The following DHRSX variants were observed in gnomAD, a reference collection of about 807,000 sequenced individuals.
DHRSX encodes dehydrogenase/reductase X-linked, also known as polyprenol dehydrogenase.
In DHRSX, 31 loss-of-function variants were observed where a neutral mutation model predicts 34.0. That is an observed-to-expected ratio of 0.91 (90% CI 0.69 to 1.23). DHRSX has a LOEUF of 1.23. Among genes scored for constraint, DHRSX ranks in the 50% most tolerant of loss-of-function variants. The pLI, the probability that DHRSX is intolerant of heterozygous loss-of-function variation, is 0.00. For missense variants in DHRSX, 414 were observed against 428.1 expected (o/e 0.97, Z 0.29); for synonymous variants, 201 against 183.8 (o/e 1.09, Z -0.76).
chrX:2,371,393 C>A (rs866135559), intron 3 of DHRSX, among the ~76,000 whole-genome samples: 2 of 48,134 alleles, frequency 4.2e-5, no homozygotes, highest in South Asian at 4.2e-4. Context: ...ACCACAGTCC[C>A]CCCTTCTCAC....
At chrX:2,272,049 A>AG (rs2041563397) in intron 4 of DHRSX, among the ~76,000 whole-genome samples, 2 of 151,946 alleles carry the variant, frequency 1.3e-5, no homozygotes, top group Non-Finnish European at 2.9e-5. Context: ...AAACAAAAAA[A>AG]CATACCTGCA....
rs748098505 is a variant in DHRSX at position 2,375,288 on chromosome X, C to T, written c.286+33457G>A. ...TCCAGCGGGTAATTAGTGCACATCA[C>T]ACAATGAATGAGCTTCCGATAAGTG... On this transcript the variant is annotated intron_variant, in intron 3 of 6. Transcript: ENST00000334651. Among the ~76,000 whole-genome samples, 163 of 138,074 alleles carry T rather than the reference C, an allele frequency of 1.2e-3. 10 individuals carry two copies. Among genetic ancestry groups the T allele is most frequent in the African/African-American group, 3.9e-3 (158 of 40,728 alleles). 90.6% of individuals were successfully genotyped at this position (138,074 alleles called of 152,430 possible).
At chrX:2,464,382 A>G (rs921152086) in intron 1 of DHRSX, among the ~76,000 whole-genome samples, 2 of 151,460 alleles carry the variant, frequency 1.3e-5, no homozygotes, top group African/African-American at 4.9e-5. Context: ...ACGTTCCCTA[A>G]GTGTGTGGCT....
At chrX:2,226,093 T>C (rs917360098) in intron 6 of DHRSX, among the ~76,000 whole-genome samples, 18 of 152,204 alleles carry the variant, frequency 1.2e-4, no homozygotes, top group African/African-American at 4.3e-4. Context: ...CAGTGTCTGT[T>C]GTCTAAGCTG....
chrX:2,423,769 T>C (rs2124649603), intron 2 of DHRSX, among the ~76,000 whole-genome samples: 1 of 151,614 alleles, frequency 6.6e-6, no homozygotes, highest in African/African-American at 2.4e-5. Flanking sequence ...TTGGCAGTAG[T>C]GGAATGGGTT....
intron 3 of DHRSX, among the ~76,000 whole-genome samples, chrX:2,397,939 C>CACAT (rs1236503403): frequency 1.3e-5 from 2 of 150,408 alleles, no homozygotes; most frequent in African/African-American, 4.9e-5. Context: ...CGCACACACA[C>CACAT]ACACACACAC....
intron 3 of DHRSX, among the ~76,000 whole-genome samples, chrX:2,332,236 C>T (rs985146517): frequency 7.2e-5 from 11 of 151,964 alleles, no homozygotes; most frequent in Admixed American, 5.9e-4. Flanking sequence ...GCTGAAAGGT[C>T]GGGGAGAAAA....
At chrX:2,312,691 T>C (rs947455394) in intron 3 of DHRSX, among the ~76,000 whole-genome samples, 6 of 151,980 alleles carry the variant, frequency 3.9e-5, no homozygotes, top group Non-Finnish European at 5.9e-5. Context: ...ATTCTGCACA[T>C]GTACCCCAGA....
At chrX:2,396,262 C>A (rs2043407769) in intron 3 of DHRSX, among the ~76,000 whole-genome samples, 1 of 152,044 alleles carries the variant, frequency 6.6e-6, no homozygotes, top group Non-Finnish European at 1.5e-5. Flanking sequence ...CTGCAAAGAC[C>A]CTATTTCCAA....
At chrX:2,444,395 A>T (rs2044101487) in intron 1 of DHRSX, among the ~76,000 whole-genome samples, 1 of 152,220 alleles carries the variant, frequency 6.6e-6, no homozygotes, top group South Asian at 2.1e-4. Flanking sequence ...GAGGACTCTT[A>T]GAGGCCGTGT....
chrX:2,462,092 A>G (rs781609340), intron 1 of DHRSX, among the ~76,000 whole-genome samples: 55 of 152,006 alleles, frequency 3.6e-4, no homozygotes, highest in Admixed American at 5.9e-4. Flanking sequence ...CAAAAACTTC[A>G]TATGTATTAC....
intron 3 of DHRSX, among the ~76,000 whole-genome samples, chrX:2,391,868 A>C (rs2043339064): frequency 1.3e-5 from 2 of 152,116 alleles, no homozygotes; most frequent in Non-Finnish European, 2.9e-5. Context: ...TGAAGGTTGC[A>C]GTGGGCCAAG....
intron 1 of DHRSX, among the ~76,000 whole-genome samples, chrX:2,435,656 G>A (rs1335392351): frequency 6.6e-6 from 1 of 152,062 alleles, no homozygotes; most frequent in Non-Finnish European, 1.5e-5. Context: ...TCCCAGGTAC[G>A]TGGGAGGCTG....
intron 3 of DHRSX, among the ~76,000 whole-genome samples, chrX:2,329,401 C>T (rs1271709341): frequency 1.3e-5 from 2 of 152,160 alleles, no homozygotes; most frequent in Admixed American, 6.6e-5. Flanking sequence ...TCTTCCAGCT[C>T]TCCAGCTCCA....
intron 3 of DHRSX, among the ~76,000 whole-genome samples, chrX:2,298,638 G>GCACACACACACGCACACACACGC (rs1569485218): frequency 9.7e-6 from 1 of 103,356 alleles, no homozygotes; most frequent in African/African-American, 7.5e-5. Flanking sequence ...ACACACACAC[G>GCACACACACACGCACACACACGC]AGGTCTTATT....
At chrX:2,437,618 AAG>A (rs199636420) in intron 1 of DHRSX, among the ~76,000 whole-genome samples, 79 of 57,714 alleles carry the variant, frequency 1.4e-3, no homozygotes, top group East Asian at 0.02. Flanking sequence ...AAAAAAGAAG[AAG>A]AAAAAAAAGC....
At chrX:2,491,066 G>GTTTTTTTTTT (rs900738620) in intron 1 of DHRSX, among the ~76,000 whole-genome samples, 1 of 110,246 alleles carries the variant, frequency 9.1e-6, no homozygotes. Flanking sequence ...AGTGCCTTTA[G>GTTTTTTTTTT]TTTTTTTTTT....
At chrX:2,298,616 A>ACACACACGCGCG (rs1556457301) in intron 3 of DHRSX, among the ~76,000 whole-genome samples, 1 of 138,302 alleles carries the variant, frequency 7.2e-6, no homozygotes, top group Non-Finnish European at 1.5e-5. Context: ...ACACACACAC[A>ACACACACGCGCG]CACACACACA....
At chrX:2,266,281 C>T (rs1474108296) in intron 5 of DHRSX, among the ~76,000 whole-genome samples, 1 of 139,872 alleles carries the variant, frequency 7.1e-6, no homozygotes, top group Non-Finnish European at 1.5e-5. Flanking sequence ...CACCGGTGTA[C>T]AGCAGACACA....
Sources: gnomAD v4.1 joint callset for allele counts (sites outside exome capture counted in the v4.1 genomes callset) on GRCh38, gnomAD v4.1.1 for gene constraint, MANE v1.5 for transcripts, NCBI Gene and HGNC (gene_info 2026-07-23, HGNC 2026-07-21) for gene names.